Variants in TECPR1 observed in about 807,000 individuals in gnomAD.
TECPR1 encodes tectonin beta-propeller repeat containing 1, also known as tectonin beta-propeller repeat-containing protein 1.
TECPR1 carries 122 observed loss-of-function variants against 162.4 expected under a neutral mutation model. The observed-to-expected ratio is 0.75, with a 90% CI of 0.65 to 0.87. TECPR1 has a LOEUF of 0.87. TECPR1 is among the 40% of genes least tolerant of loss of function. The pLI is 0.00. For synonymous variants in TECPR1, 642 were observed against 670.6 expected, an observed-to-expected ratio of 0.96 and a Z score of 0.66; for missense variants, 1,432 against 1,618.2, an observed-to-expected ratio of 0.88 and a Z score of 1.97.
chr7:98,220,858 A>G (rs1798123882), intron 23 of TECPR1, among the ~76,000 whole-genome samples: 1 of 133,324 alleles, frequency 7.5e-6, no homozygotes, highest in South Asian at 2.3e-4. Context: ...GCTTGGCCTA[A>G]TTTTTGTGTT....
At chr7:98,239,137 G>A (rs975321447) in intron 8 of TECPR1, among the ~76,000 whole-genome samples, 5 of 152,170 alleles carry the variant, frequency 3.3e-5, no homozygotes, top group South Asian at 2.1e-4. Flanking sequence ...GTGATTCAGC[G>A]GCTGGTCATG....
intron 25 of TECPR1, 37 bp from the exon 26 acceptor site, chr7:98,217,540 G>C: frequency 6.9e-7 from 1 of 1,458,076 alleles, no homozygotes; most frequent in Non-Finnish European, 9.1e-7. Context: ...GGGACTCGGG[G>C]ACTCGAGGAT....
At chr7:98,226,656 A>G (rs2116552865) in intron 17 of TECPR1, 3 of 1,099,290 alleles carry the variant, frequency 2.7e-6, no homozygotes, top group African/African-American at 3.3e-5. Context: ...GGCCGGGCGC[A>G]GTGGCTCTCG....
At chr7:98,248,466 C>T (rs1202919868) in intron 2 of TECPR1, among the ~76,000 whole-genome samples, 6 of 142,206 alleles carry the variant, frequency 4.2e-5, no homozygotes, top group South Asian at 2.3e-4. Flanking sequence ...GTGCTCCAGA[C>T]GGCCGGGTGA....
In TECPR1 at chr7:98,216,891, C is replaced by T. The variant is rs899410227; in HGVS notation, c.*499G>A. The T allele has an allele frequency of 1.3e-5, 2 of 154,692 alleles. No individual in the cohort carries two copies. The highest frequency in any genetic ancestry group is 6.4e-5 in the Admixed American group (1 of 15,682). 9.6% of individuals were successfully genotyped at this position (154,692 alleles called of 1,614,324 possible). ...CTTCCTTCACTTTTGAAATTAAAGC[C>T]TCTTTGCAAGTCCTGCTCTGAGAAA... On this transcript the variant is annotated 3_prime_UTR_variant, in exon 26 of 26. Transcript: ENST00000447648.
chr7:98,231,168 G>A (rs373458271), intron 14 of TECPR1, 50 bp from the exon 15 acceptor site: 1 of 1,607,278 alleles, frequency 6.2e-7, no homozygotes, highest in African/African-American at 1.3e-5. Context: ...GCCAGGCCAG[G>A]CCACCCCACC....
At chr7:98,239,823 GTGAC>G (rs2116606040) in intron 8 of TECPR1, among the ~76,000 whole-genome samples, 1 of 151,810 alleles carries the variant, frequency 6.6e-6, no homozygotes, top group Non-Finnish European at 1.5e-5. Context: ...GAAAAACCCT[GTGAC>G]TGGCCAGGCA....
At chr7:98,234,034 C>G in intron 10 of TECPR1, 123 bp from the exon 11 acceptor site, 1 of 1,266,456 alleles carries the variant, frequency 7.9e-7, no homozygotes, top group Non-Finnish European at 1.1e-6. Context: ...CAGAACCTCT[C>G]TGAACTCCTG....
chr7:98,229,051 C>A lies in TECPR1; in HGVS notation c.2398G>T (p.Gly800Cys). 6.3e-7 allele frequency: 1 copy of A among 1,598,758 alleles called. No individual in the cohort carries two copies. Among genetic ancestry groups the A allele is most frequent in the Non-Finnish European group, 8.5e-7 (1 of 1,173,098 alleles). ...GGGCCGCCCTCACCTTGGAAGCAGC[C>A]GCCTCCATAGCCGCCTGTGTATACC... ...AWVYTGGYGG[G>C]CFQGLASSTS... Residue 800 changes from glycine to cysteine, a missense_variant, in exon 16 of 26, where the codon GGC (glycine) becomes TGC (cysteine). Transcript: ENST00000447648.
Position 98,233,876 on chromosome 7 carries a change from C to G in TECPR1, c.1217G>C (p.Ser406Thr), listed in dbSNP as rs1427329138. Residue 406 changes from serine (S) to threonine (T), a missense_variant, in exon 11 of 26, where the codon AGT becomes ACT. Coordinates refer to ENST00000447648, the MANE Select transcript of TECPR1 (RefSeq NM_015395.3). ...GGTGTCGCTGGGGGCAGACTCGCCA[C>G]TACCCCTCACCTCATCACCGAAGAA... Reference protein sequence around the residue: ...GCFFGDEVRGSGESAPSDTDA... With the variant: ...GCFFGDEVRGTGESAPSDTDA... 2 of 1,552,436 alleles carry G rather than the reference C, an allele frequency of 1.3e-6. No individual in the cohort carries two copies. Among genetic ancestry groups the G allele is most frequent in the Non-Finnish European group, 1.7e-6 (2 of 1,147,856 alleles).
chr7:98,248,432 C>T (rs1029226045), intron 2 of TECPR1, among the ~76,000 whole-genome samples: 1 of 151,478 alleles, frequency 6.6e-6, no homozygotes, highest in Non-Finnish European at 1.5e-5. Flanking sequence ...CCCAGTGCTC[C>T]CGCAGCATAC....
At chr7:98,224,516 G>T (rs561266179) in intron 19 of TECPR1, among the ~76,000 whole-genome samples, 1 of 152,322 alleles carries the variant, frequency 6.6e-6, no homozygotes, top group East Asian at 1.9e-4. Context: ...CCCGTGCCTG[G>T]CACAGCAGGG....
rs1274845779 is a variant in TECPR1, at chr7:98,233,917, G to A, written c.1182-6C>T. ...CACCGAAGAAGCAGCCGGCACTGGGGACAAATCAGGGCAGACCCATCACTC... is the reference window on the plus strand; with the variant it reads ...CACCGAAGAAGCAGCCGGCACTGGGAACAAATCAGGGCAGACCCATCACTC... On this transcript the variant is annotated splice_polypyrimidine_tract_variant and splice_region_variant and intron_variant, in intron 10 of 25. Coordinates refer to ENST00000447648, the MANE Select transcript of TECPR1 (RefSeq NM_015395.3). 1.1e-5 allele frequency: 17 copies of A among 1,525,258 alleles called. No individual in the cohort carries two copies. The East Asian group carries it at 3.7e-4, about 33-fold the overall frequency. 94.5% of individuals were successfully genotyped at this position (1,525,258 alleles called of 1,614,324 possible).
At position 98,235,849 on chromosome 7, in the gene TECPR1, A is replaced by AAAAAAAAAAAAAAAAAAAAAAACAAC; in HGVS notation, c.1181+926_1181+927insGTTGTTTTTTTTTTTTTTTTTTTTTT. ...TCTCAAAAAAAAAAAAAAAAAAAAA[A>AAAAAAAAAAAAAAAAAAAAAAACAAC]AACACCATCTGAGCAGACTAAACCC... On this transcript the variant is annotated intron_variant, in intron 10 of 25. Transcript: ENST00000447648. Among the ~76,000 whole-genome samples the AAAAAAAAAAAAAAAAAAAAAAACAAC allele has an allele frequency of 1.6e-3, 173 of 109,922 alleles. 30 individuals carry two copies. The highest frequency in any genetic ancestry group is 2.6e-3 in the Non-Finnish European group (124 of 48,386). The allele number at this position is 109,922 out of a possible 152,430, so 72.1% of individuals were successfully genotyped here. A position where few individuals can be genotyped will look rare whatever the true frequency, so the allele number is the denominator to read the frequency against.
At chr7:98,223,262 G>T (rs1375263696) in intron 20 of TECPR1, 92 bp from the exon 21 acceptor site, 2 of 1,332,944 alleles carry the variant, frequency 1.5e-6, no homozygotes, top group East Asian at 5.1e-5. Context: ...GAGGAAAGCA[G>T]CCAACCCCGG....
chr7:98,243,501 C>T lies in TECPR1; in HGVS notation c.623G>A (p.Arg208His), dbSNP rs748336081. The T allele has an allele frequency of 1.5e-5, 24 of 1,612,480 alleles. No individual in the cohort carries two copies. Among genetic ancestry groups the T allele is most frequent in the South Asian group, 1.1e-4 (10 of 91,078 alleles). The change falls in exon 6 of 26, where the codon CGC (arginine) becomes CAC (histidine). Residue 208 changes from arginine to histidine, a missense_variant. Arg to His is a conservative substitution (Grantham distance 29, BLOSUM62 0). Transcript: ENST00000447648. Reference protein sequence around the residue: ...GWEITEEPVGRLSVWAVSLQG... With the variant: ...GWEITEEPVGHLSVWAVSLQG... ...CAGAGACACAGCCCACACTGACAGG[C>T]GGCCCACAGGCTCCTCCGTGATCTC...
Position 98,232,021 on chromosome 7 carries a change from C to G in TECPR1, c.1819-62G>C. On this transcript the variant is annotated intron_variant, in intron 12 of 25. Transcript: ENST00000447648. This position sits in a 1 kb window ranked among gnomAD's most constrained non-coding sequence, Gnocchi z 4.6. ...GGCCCGGGGTGCCAGGGGAGGAGGG[C>G]GGGGCTGGGGGTGCCCAGAGGAGGA... 2 of 1,525,428 alleles carry G rather than the reference C, an allele frequency of 1.3e-6. No individual in the cohort carries two copies. Among genetic ancestry groups the G allele is most frequent in the Non-Finnish European group, 1.8e-6 (2 of 1,135,704 alleles). The allele number at this position is 1,525,428 out of a possible 1,614,324, so 94.5% of individuals were successfully genotyped here.
At chr7:98,227,391 C>CA (rs199953374) in intron 17 of TECPR1, among the ~76,000 whole-genome samples, 27,477 of 118,562 alleles carry the variant, frequency 0.23, 2,755 homozygotes, top group East Asian at 0.31. Context: ...GACTCGGTCT[C>CA]AAAAAAAAAA....
intron 19 of TECPR1, 44 bp downstream of exon 19, chr7:98,224,757 C>T (rs1238921140): frequency 1.3e-6 from 2 of 1,514,564 alleles, no homozygotes; most frequent in Non-Finnish European, 1.8e-6. Flanking sequence ...AGGGCCCTGA[C>T]ATTCAGGACC....
Sources: allele counts gnomAD v4.1 joint callset (sites outside exome capture counted in the v4.1 genomes callset), GRCh38; gene constraint gnomAD v4.1.1; non-coding constraint Gnocchi (gnomAD v3.1); transcripts MANE v1.5; gene names NCBI Gene and HGNC (gene_info 2026-07-23, HGNC 2026-07-21).